The following RBFOX1 variants were observed in gnomAD, a reference collection of about 807,000 sequenced individuals.
RBFOX1 encodes the protein RNA binding fox-1 homolog 1, also known as RNA binding protein fox-1 homolog 1.
In RBFOX1, 8 loss-of-function variants were observed where a neutral mutation model predicts 57.7. That is an observed-to-expected ratio of 0.14 (90% CI 0.08 to 0.25). The LOEUF (loss-of-function observed/expected upper bound fraction) is 0.25. Ranked by LOEUF, RBFOX1 falls within the 10% of genes least tolerant of loss-of-function variation. The pLI is 1.00. For missense variants in RBFOX1, 611 were observed against 548.5 expected (o/e 1.11, Z -1.14); for synonymous variants, 326 against 222.4 (o/e 1.47, Z -4.15).
chr16:5,828,752 A>C (rs1309115709), intron 3 of RBFOX1, among the ~76,000 whole-genome samples: 1 of 152,186 alleles, frequency 6.6e-6, no homozygotes, highest in African/African-American at 2.4e-5. Context: ...GGAGGATTTC[A>C]GCAGAGGGTG....
At chr16:7,265,126 C>G (rs1025798357) in intron 4 of RBFOX1, among the ~76,000 whole-genome samples, 2 of 152,248 alleles carry the variant, frequency 1.3e-5, no homozygotes, top group Non-Finnish European at 2.9e-5. Context: ...AGACTAGACT[C>G]TGTTCTGCGC....
chr16:6,796,186 T>C lies in RBFOX1; in HGVS notation c.-16+141536T>C, dbSNP rs186093125. On this transcript the variant is annotated intron_variant, in intron 3 of 15. Transcript: ENST00000550418. ...GAGAAGAGAGCTTGTGCAGGGAAAC[T>C]CCCATTTTTTAAACCATCATATCTG... is the stretch of plus-strand genomic sequence containing the variant. Among the ~76,000 whole-genome samples the C allele has an allele frequency of 4.9e-4, 75 of 152,120 alleles. 4 individuals are homozygous for C. In the East Asian group the frequency reaches 0.013, roughly 27 times the overall value.
intron 1 of RBFOX1, among the ~76,000 whole-genome samples, chr16:5,458,546 T>C (rs537726891): frequency 6.6e-6 from 1 of 152,230 alleles, no homozygotes; most frequent in Non-Finnish European, 1.5e-5. Context: ...TTGCCTTACA[T>C]AGGTGAAAAC....
At chr16:5,399,689 T>G (rs187469210) in intron 1 of RBFOX1, among the ~76,000 whole-genome samples, 159 of 152,086 alleles carry the variant, frequency 1.0e-3, no homozygotes, top group African/African-American at 3.8e-3. Flanking sequence ...TGACCCATGC[T>G]TGCATCACTG....
At chr16:7,212,360 C>G (rs1603249982) in intron 4 of RBFOX1, among the ~76,000 whole-genome samples, 1 of 152,148 alleles carries the variant, frequency 6.6e-6, no homozygotes. Flanking sequence ...CCTGTAGCCG[C>G]GTTGACCCTA....
intron 4 of RBFOX1, among the ~76,000 whole-genome samples, chr16:7,349,226 C>G (rs550511093): frequency 1.3e-5 from 2 of 152,266 alleles, no homozygotes; most frequent in South Asian, 2.1e-4. Flanking sequence ...ATCAAGATAT[C>G]TTCCTGGCAG....
At chr16:5,472,624 C>T (rs908059096) in intron 2 of RBFOX1, among the ~76,000 whole-genome samples, 1 of 152,158 alleles carries the variant, frequency 6.6e-6, no homozygotes, top group African/African-American at 2.4e-5. Flanking sequence ...GATTTCTGTG[C>T]TGCCCTCCTG....
intron 2 of RBFOX1, among the ~76,000 whole-genome samples, chr16:6,336,466 A>G (rs1434167866): frequency 6.6e-6 from 1 of 151,964 alleles, no homozygotes; most frequent in Non-Finnish European, 1.5e-5. Context: ...TGGTAAGTAA[A>G]TGTCAGAGCT....
chr16:7,471,283 A>G (rs552737994), intron 4 of RBFOX1, among the ~76,000 whole-genome samples: 3 of 152,314 alleles, frequency 2.0e-5, no homozygotes, highest in Non-Finnish European at 2.9e-5. Flanking sequence ...GCTATTTCCA[A>G]CAGAACTGCA....
At chr16:7,702,748 G>A (rs374783654) in intron 14 of RBFOX1, among the ~76,000 whole-genome samples, 108 of 152,326 alleles carry the variant, frequency 7.1e-4, no homozygotes, top group African/African-American at 2.4e-3. Context: ...TGGAATGTAT[G>A]TTCCAGATGC....
chr16:6,849,072 C>T (rs927873317), intron 3 of RBFOX1, among the ~76,000 whole-genome samples: 1 of 152,188 alleles, frequency 6.6e-6, no homozygotes, highest in South Asian at 2.1e-4. Context: ...AAGTAAACAG[C>T]TGTCCTCAAG....
intron 3 of RBFOX1, among the ~76,000 whole-genome samples, chr16:7,011,158 A>G (rs2093635801): frequency 6.6e-6 from 1 of 152,066 alleles, no homozygotes; most frequent in African/African-American, 2.4e-5. Flanking sequence ...CAAAAACTGC[A>G]GACAGATTTG....
chr16:6,840,897 A>AAAAAAAAAAT (rs751671784), intron 3 of RBFOX1, among the ~76,000 whole-genome samples: 1 of 137,500 alleles, frequency 7.3e-6, no homozygotes. Context: ...CAAAAAAAAA[A>AAAAAAAAAAT]AAAAAAACGA....
At chr16:7,200,936 G>C (rs2346603) in intron 4 of RBFOX1, among the ~76,000 whole-genome samples, 44,037 of 152,076 alleles carry the variant, frequency 0.29, 6,585 homozygotes, top group Non-Finnish European at 0.32. Context: ...AGGCAAGAAG[G>C]TTTAAGATGG....
intron 1 of RBFOX1, among the ~76,000 whole-genome samples, chr16:6,087,099 A>G (rs2096097154): frequency 6.6e-6 from 1 of 152,216 alleles, no homozygotes; most frequent in Non-Finnish European, 1.5e-5. Context: ...TTTGACAGTA[A>G]TCCAATTTCC....
intron 4 of RBFOX1, among the ~76,000 whole-genome samples, chr16:7,292,308 T>C (rs980114602): frequency 7.6e-6 from 1 of 132,368 alleles, no homozygotes; most frequent in African/African-American, 2.8e-5. Flanking sequence ...ATATGATATA[T>C]GACGTATTAT....
intron 2 of RBFOX1, among the ~76,000 whole-genome samples, chr16:6,644,645 C>A (rs1326617314): frequency 6.6e-6 from 1 of 152,304 alleles, no homozygotes; most frequent in East Asian, 1.9e-4. Context: ...CATGACAAGT[C>A]TAAGCATCCT....
chr16:6,084,145 A>G (rs1461273615), intron 1 of RBFOX1, among the ~76,000 whole-genome samples: 1 of 152,072 alleles, frequency 6.6e-6, no homozygotes. Context: ...CTCTTAGGGC[A>G]CTCTGAGCAG....
Position 6,612,815 on chromosome 16 carries a change from G to A in RBFOX1, c.-63-41788G>A, listed in dbSNP as rs564631745. On this transcript the variant is annotated intron_variant, in intron 2 of 15. Coordinates refer to ENST00000550418, the MANE Select transcript of RBFOX1 (RefSeq NM_018723.4). ...TGCAGTGAGCCAAGATCATGCCACTGCACTCCAGCCTGGGAGACAGTGAGA... is the reference window on the plus strand; with the variant it reads ...TGCAGTGAGCCAAGATCATGCCACTACACTCCAGCCTGGGAGACAGTGAGA... Among the ~76,000 whole-genome samples the A allele has an allele frequency of 3.3e-3, 483 of 146,526 alleles. 8 individuals carry two copies. The highest frequency in any genetic ancestry group is 0.011 in the African/African-American group (446 of 39,198).
Sources: gnomAD v4.1 joint callset for allele counts (sites outside exome capture counted in the v4.1 genomes callset) on GRCh38, gnomAD v4.1.1 for gene constraint, MANE v1.5 for transcripts, NCBI Gene and HGNC (gene_info 2026-07-23, HGNC 2026-07-21) for gene names.